Variants in GPC3 observed in about 807,000 individuals in gnomAD.
The protein encoded by GPC3 is glypican-3.
GPC3 carries 3 observed loss-of-function variants against 34.4 expected under a neutral mutation model. The observed-to-expected ratio is 0.09, with a 90% CI of 0.04 to 0.23. The LOEUF (loss-of-function observed/expected upper bound fraction) is 0.23, where lower values mean the gene tolerates loss of function less well. Among genes scored for constraint, GPC3 ranks in the 10% least tolerant of loss-of-function variants. The pLI is 1.00. For missense variants in GPC3, 351 were observed against 445.6 expected (o/e 0.79, Z 1.91); for synonymous variants, 177 against 174.0 (o/e 1.02, Z -0.13).
chrX:133,914,672 G>A (rs2076215189), intron 2 of GPC3, among the ~76,000 whole-genome samples: 1 of 110,077 alleles, frequency 9.1e-6, no homozygotes, highest in African/African-American at 3.3e-5. Context: ...GTGCTGTAAA[G>A]ACTAATATGC....
At chrX:133,724,521 G>A (rs7876682) in intron 3 of GPC3, among the ~76,000 whole-genome samples, 7,409 of 111,339 alleles carry the variant, frequency 0.067, 653 homozygotes, top group African/African-American at 0.23. Flanking sequence ...AGGAGCCCCA[G>A]TTTGAAATTT....
rs375934394 is a variant in GPC3 at position 133,612,306 on chromosome X, T to G, written c.1414-15707A>C. Among the ~76,000 whole-genome samples the G allele has an allele frequency of 3.7e-4, 42 of 112,415 alleles. 5 individuals carry two copies. Among genetic ancestry groups the G allele is most frequent in the Admixed American group, 2.9e-3 (31 of 10,614 alleles). On this transcript the variant is annotated intron_variant, in intron 6 of 7. Transcript: ENST00000370818. ...CGCTCCTTTATGTAGGTCAAAACTT[T>G]ACCCTTAGAAATATTATCTTGCTTT...
rs143615643 is a variant in GPC3, at chrX:133,656,527, C to T, written c.1413+5203G>A. Among the ~76,000 whole-genome samples, 64 of 111,894 alleles carry T rather than the reference C, an allele frequency of 5.7e-4. No individual in the cohort carries two copies. In the East Asian group the frequency reaches 9.8e-3, roughly 17 times the overall value. ...CCTCTCTGAGTGGTTATAAAGATCA[C>T]GTTATCTAATGGATAGGAAAGAGCT... On this transcript the variant is annotated intron_variant, in intron 6 of 7. Coordinates refer to ENST00000370818, the MANE Select transcript of GPC3 (RefSeq NM_004484.4).
At chrX:133,537,064 A>C (rs766815235) in intron 7 of GPC3, among the ~76,000 whole-genome samples, 1 of 111,692 alleles carries the variant, frequency 9.0e-6, no homozygotes, top group Non-Finnish European at 1.9e-5. Flanking sequence ...CATGATTCTG[A>C]AAAGAAATCA....
At chrX:133,878,528 G>A (rs2076027315) in intron 2 of GPC3, among the ~76,000 whole-genome samples, 1 of 112,439 alleles carries the variant, frequency 8.9e-6, no homozygotes, top group South Asian at 3.6e-4. Context: ...ACCAAAAAAT[G>A]TGTTTCTGAA....
intron 7 of GPC3, among the ~76,000 whole-genome samples, chrX:133,570,724 T>C (rs967577694): frequency 8.9e-6 from 1 of 111,932 alleles, no homozygotes. Flanking sequence ...AGATACACAG[T>C]CTAGGTCCAA....
chrX:133,819,239 C>T (rs1013141151), intron 2 of GPC3, among the ~76,000 whole-genome samples: 3 of 96,327 alleles, frequency 3.1e-5, no homozygotes, highest in East Asian at 3.5e-4. Context: ...TGAGAACAAG[C>T]GGATTTTTTT....
chrX:133,559,423 C>T (rs1277318885), intron 7 of GPC3, among the ~76,000 whole-genome samples: 1 of 111,402 alleles, frequency 9.0e-6, no homozygotes, highest in Non-Finnish European at 1.9e-5. Flanking sequence ...ATAGTGGGTA[C>T]GGAGTTGAGG....
intron 6 of GPC3, among the ~76,000 whole-genome samples, chrX:133,648,608 G>A (rs1455425811): frequency 3.6e-5 from 4 of 111,623 alleles, no homozygotes; most frequent in Non-Finnish European, 7.5e-5. Flanking sequence ...CATGGGCTCT[G>A]CACTGCCACA....
chrX:133,741,852 C>T (rs2071566909), intron 3 of GPC3, among the ~76,000 whole-genome samples: 1 of 112,698 alleles, frequency 8.9e-6, no homozygotes, highest in Admixed American at 9.4e-5. Context: ...TTTTCGCAGG[C>T]CACTTGCCTG....
At chrX:133,969,963 C>T (rs1440950670) in intron 1 of GPC3, among the ~76,000 whole-genome samples, 14 of 112,220 alleles carry the variant, frequency 1.2e-4, no homozygotes, top group Non-Finnish European at 3.8e-5. Flanking sequence ...ATTAATTAGA[C>T]GATTCATACT....
At chrX:133,552,309 A>G (rs2069441617) in intron 7 of GPC3, among the ~76,000 whole-genome samples, 1 of 112,059 alleles carries the variant, frequency 8.9e-6, no homozygotes, top group African/African-American at 3.2e-5. Context: ...GGTTAAAGTG[A>G]CCTTTGCTTT....
At chrX:133,931,401 A>G (rs2076297815) in intron 2 of GPC3, among the ~76,000 whole-genome samples, 1 of 110,966 alleles carries the variant, frequency 9.0e-6, no homozygotes. Context: ...GGCTGGTTAG[A>G]AAGCGATTAA....
intron 2 of GPC3, among the ~76,000 whole-genome samples, chrX:133,875,725 T>C (rs1742562716): frequency 9.0e-6 from 1 of 111,313 alleles, no homozygotes; most frequent in South Asian, 3.8e-4. Flanking sequence ...TTGGATCTTA[T>C]ATATTAGCCC....
intron 2 of GPC3, among the ~76,000 whole-genome samples, chrX:133,942,207 T>A (rs2076347854): frequency 8.9e-6 from 1 of 112,127 alleles, no homozygotes; most frequent in African/African-American, 3.2e-5. Context: ...CATACAAACT[T>A]TATGGAAATC....
Position 133,754,088 on chromosome X carries a change from A to G in GPC3, c.426T>C (p.Phe142=). The part of the protein sequence containing the change: ...NNYPSLTPQA[F]EFVGEFFTDV... ...CTGTGAAAAATTCACCCACAAACTC[A>G]AAAGCTTGTGGAGTCAGGCTTGGGT... is the stretch of plus-strand genomic sequence containing the variant. Residue 142 remains phenylalanine, a synonymous_variant, in exon 3 of 8, where the codon TTT becomes TTC. Transcript: ENST00000370818. 1 of 1,207,715 alleles carries G rather than the reference A, an allele frequency of 8.3e-7. No homozygotes were observed. The highest frequency in any genetic ancestry group is 3.0e-5 in the East Asian group (1 of 33,811).
At chrX:133,578,346 C>T (rs1186321221) in intron 7 of GPC3, among the ~76,000 whole-genome samples, 2 of 111,741 alleles carry the variant, frequency 1.8e-5, no homozygotes, top group African/African-American at 6.6e-5. Context: ...TGTCAGCCTT[C>T]TCCCTTCACT....
At chrX:133,922,060 C>A (rs182067863) in intron 2 of GPC3, among the ~76,000 whole-genome samples, 1 of 112,599 alleles carries the variant, frequency 8.9e-6, no homozygotes, top group Non-Finnish European at 1.9e-5. Context: ...GGAACAGGAA[C>A]TTTACCTTTG....
chrX:133,671,519 C>A, intron 5 of GPC3: 1 of 389,693 alleles, frequency 2.6e-6, no homozygotes, highest in South Asian at 4.5e-5. Flanking sequence ...CAATGTTAAG[C>A]TACGAGGGTG....
Sources: gnomAD v4.1 joint callset for allele counts (sites outside exome capture counted in the v4.1 genomes callset) on GRCh38, gnomAD v4.1.1 for gene constraint, MANE v1.5 for transcripts, NCBI Gene and HGNC (gene_info 2026-07-23, HGNC 2026-07-21) for gene names.